Variants in DIP2C observed in about 807,000 individuals in gnomAD.
DIP2C encodes the protein disco-interacting protein 2 homolog C.
In DIP2C, 33 loss-of-function variants were observed where a neutral mutation model predicts 192.4. The observed-to-expected ratio is 0.17, with a 90% CI of 0.13 to 0.23. DIP2C has a LOEUF of 0.23. Ranked by LOEUF, DIP2C falls within the 10% of genes least tolerant of loss-of-function variation. DIP2C has a pLI of 1.00. For missense variants in DIP2C, 1,537 were observed against 2,110.1 expected, an observed-to-expected ratio of 0.73 and a Z score of 5.32; for synonymous variants, 979 against 864.1, an observed-to-expected ratio of 1.13 and a Z score of -2.33.
Position 484,687 on chromosome 10 carries a change from A to C in DIP2C, c.157+1772T>G, listed in dbSNP as rs543576816. On this transcript the variant is annotated intron_variant, in intron 2 of 36. Transcript: ENST00000280886. ...GGGACCCTCAGGCCCCCAAGGCCAC[A>C]CCCTACACGTCTGTACGGGATGGCA... is the stretch of plus-strand genomic sequence containing the variant. The C allele has an allele frequency of 2.3e-5, 34 of 1,457,482 alleles. No homozygotes were observed. The African/African-American group carries it at 4.8e-4, about 21-fold the overall frequency. The allele number at this position is 1,457,482 out of a possible 1,614,324, so 90.3% of individuals were successfully genotyped here.
chr10:302,850 G>T (rs1430632521), intron 32 of DIP2C, among the ~76,000 whole-genome samples: 1 of 152,224 alleles, frequency 6.6e-6, no homozygotes, highest in African/African-American at 2.4e-5. Context: ...ACGGGAAGCT[G>T]CTCTGGGTGA....
intron 1 of DIP2C, among the ~76,000 whole-genome samples, chr10:502,215 A>G (rs932650164): frequency 6.6e-6 from 1 of 152,214 alleles, no homozygotes; most frequent in African/African-American, 2.4e-5. Flanking sequence ...TGATAAGCCC[A>G]ATCATTTACT....
At chr10:331,579 G>A (rs181171866) in intron 29 of DIP2C, among the ~76,000 whole-genome samples, 1 of 152,348 alleles carries the variant, frequency 6.6e-6, no homozygotes, top group Non-Finnish European at 1.5e-5. Context: ...TTTACATTGT[G>A]TTAGGTATTA....
intron 1 of DIP2C, among the ~76,000 whole-genome samples, chr10:526,838 C>T (rs747705595): frequency 3.9e-5 from 6 of 152,222 alleles, no homozygotes; most frequent in Non-Finnish European, 5.9e-5. Context: ...GAACTGGTGC[C>T]GTGCTCTGAG....
intron 1 of DIP2C, among the ~76,000 whole-genome samples, chr10:686,127 G>A (rs1831326580): frequency 6.6e-6 from 1 of 152,166 alleles, no homozygotes; most frequent in Non-Finnish European, 1.5e-5. Flanking sequence ...CAAAAATGTA[G>A]GGAAGAGAAG....
intron 32 of DIP2C, among the ~76,000 whole-genome samples, chr10:299,189 A>C (rs1188067488): frequency 6.6e-6 from 1 of 152,246 alleles, no homozygotes; most frequent in African/African-American, 2.4e-5. Context: ...GATAAGTTAA[A>C]TACATCAAGG....
Position 572,749 on chromosome 10 carries a change from C to A in DIP2C, c.86-86219G>T, listed in dbSNP as rs377679725. 6.8e-4 allele frequency among the ~76,000 whole-genome samples: 103 copies of A among 152,250 alleles called. 1 individual carries two copies. Among genetic ancestry groups the A allele is most frequent in the African/African-American group, 2.4e-3 (100 of 41,534 alleles). ...TCTGAAAGTCACAGATGCGGGTTTTCCTCCAAATGATCCACAAGCCAGCTT... is the reference window on the plus strand; with the variant it reads ...TCTGAAAGTCACAGATGCGGGTTTTACTCCAAATGATCCACAAGCCAGCTT... On this transcript the variant is annotated intron_variant, in intron 1 of 36. Transcript: ENST00000280886.
intron 1 of DIP2C, among the ~76,000 whole-genome samples, chr10:657,946 C>CCCCTGGACCTGT (rs1564314809): frequency 1.4e-5 from 2 of 140,642 alleles, no homozygotes; most frequent in African/African-American, 2.7e-5. Context: ...CCTGGACCTG[C>CCCCTGGACCTGT]CCCTGGACCT....
chr10:509,626 G>A (rs899366731), intron 1 of DIP2C, among the ~76,000 whole-genome samples: 1 of 152,234 alleles, frequency 6.6e-6, no homozygotes, highest in Non-Finnish European at 1.5e-5. Context: ...CCGGGTGGTA[G>A]GCAGTGTTTT....
Position 452,860 on chromosome 10 carries a change from G to A in DIP2C, c.269-11864C>T, listed in dbSNP as rs543297831. ...AGAAGAGGGATAGACTTGACCACAG[G>A]GCACGGGGCAGGATGGACCCATCTC... On this transcript the variant is annotated intron_variant, in intron 3 of 36. Coordinates refer to ENST00000280886, the MANE Select transcript of DIP2C (RefSeq NM_014974.3). Among the ~76,000 whole-genome samples, 9 of 152,296 alleles carry A rather than the reference G, an allele frequency of 5.9e-5. No individual in the cohort carries two copies. In the East Asian group the frequency reaches 1.7e-3, roughly 29 times the overall value.
intron 3 of DIP2C, among the ~76,000 whole-genome samples, chr10:443,955 A>T (rs1247118044): frequency 1.3e-5 from 2 of 152,182 alleles, no homozygotes; most frequent in African/African-American, 2.4e-5. Context: ...GTGCACTTTG[A>T]TAAGTGGAAA....
intron 1 of DIP2C, among the ~76,000 whole-genome samples, chr10:529,588 A>G (rs1387254932): frequency 2.0e-5 from 3 of 152,164 alleles, no homozygotes; most frequent in African/African-American, 7.2e-5. Context: ...GACAGATCCT[A>G]AACACCGTAA....
At chr10:502,276 C>T (rs767469002) in intron 1 of DIP2C, among the ~76,000 whole-genome samples, 4 of 152,160 alleles carry the variant, frequency 2.6e-5, no homozygotes, top group African/African-American at 9.7e-5. Flanking sequence ...AGGAACTAAA[C>T]CTACATGAAT....
chr10:535,099 A>C (rs532440723), intron 1 of DIP2C, among the ~76,000 whole-genome samples: 2 of 152,092 alleles, frequency 1.3e-5, no homozygotes, highest in South Asian at 4.2e-4. Context: ...GTACAGAAGG[A>C]ACCTTCAGCA....
At chr10:443,881 T>C (rs1333149692) in intron 3 of DIP2C, among the ~76,000 whole-genome samples, 1 of 152,214 alleles carries the variant, frequency 6.6e-6, no homozygotes, top group Non-Finnish European at 1.5e-5. Flanking sequence ...TTTCATTGTT[T>C]TCTTTTGGAA....
chr10:382,885 A>G, intron 16 of DIP2C, 124 bp from the exon 17 acceptor site: 1 of 551,128 alleles, frequency 1.8e-6, no homozygotes, highest in East Asian at 3.1e-5. Context: ...GCGTGGAAAA[A>G]TATTTAATAC....
chr10:357,616 G>A (rs1214205210), intron 23 of DIP2C, among the ~76,000 whole-genome samples: 1 of 152,234 alleles, frequency 6.6e-6, no homozygotes, highest in African/African-American at 2.4e-5. Flanking sequence ...AATAAAGGAA[G>A]ATCTGCAGTG....
intron 1 of DIP2C, among the ~76,000 whole-genome samples, chr10:573,069 G>A (rs892841545): frequency 2.0e-5 from 3 of 152,098 alleles, no homozygotes; most frequent in Non-Finnish European, 2.9e-5. Context: ...TTTCATTCTC[G>A]GAGGGAAATG....
At chr10:289,117 A>T (rs1181953677) in intron 32 of DIP2C, among the ~76,000 whole-genome samples, 6 of 152,022 alleles carry the variant, frequency 3.9e-5, no homozygotes, top group Admixed American at 2.0e-4. Context: ...CTAAGGGGCA[A>T]TTTTTTTTAT....
Sources: allele counts gnomAD v4.1 joint callset (sites outside exome capture counted in the v4.1 genomes callset), GRCh38; gene constraint gnomAD v4.1.1; transcripts MANE v1.5; gene names NCBI Gene and HGNC (gene_info 2026-07-23, HGNC 2026-07-21).